The following AP1G1 variants were observed in gnomAD, a reference collection of about 807,000 sequenced individuals.
The protein encoded by AP1G1 is adaptor related protein complex 1 subunit gamma 1, also known as AP-1 complex subunit gamma-1.
AP1G1 carries 7 observed loss-of-function variants against 108.3 expected under a neutral mutation model. That is an observed-to-expected ratio of 0.06 (90% CI 0.04 to 0.12). The LOEUF (loss-of-function observed/expected upper bound fraction) is 0.12. AP1G1 is among the 10% of genes least tolerant of loss of function. The pLI is 1.00. For synonymous variants in AP1G1, 379 were observed against 353.5 expected, an observed-to-expected ratio of 1.07 and a Z score of -0.81; for missense variants, 756 against 1,010.7, an observed-to-expected ratio of 0.75 and a Z score of 3.42.
chr16:71,734,745 T>G (rs1006683127), intron 21 of AP1G1, 38 bp from the exon 22 acceptor site: 1 of 1,530,070 alleles, frequency 6.5e-7, no homozygotes. Context: ...GAAAAAGAAT[T>G]ACACAACGCT....
At chr16:71,774,743 G>A (rs187993276) in intron 2 of AP1G1, 151 bp from the exon 3 acceptor site, 34 of 878,734 alleles carry the variant, frequency 3.9e-5, no homozygotes, top group Admixed American at 1.5e-4. Flanking sequence ...TTTTTGAGAC[G>A]GGGTTTCGCT....
At chr16:71,758,625 A>G in intron 11 of AP1G1, 183 bp downstream of exon 11, 1 of 605,802 alleles carries the variant, frequency 1.7e-6, no homozygotes, top group South Asian at 1.8e-5. Context: ...TCTCCCTGCC[A>G]ATCCTTTCTA....
intron 12 of AP1G1, among the ~76,000 whole-genome samples, chr16:71,755,421 AGTGAGACCCT>A (rs1256379692): frequency 6.6e-6 from 1 of 152,098 alleles, no homozygotes; most frequent in Admixed American, 6.5e-5. Flanking sequence ...TAGGTGACAA[AGTGAGACCCT>A]GTCTCAAAAA....
chr16:71,765,606 C>A lies in AP1G1; in HGVS notation c.643-22G>T, dbSNP rs377721475. 990 of 1,559,370 alleles carry A rather than the reference C, an allele frequency of 6.3e-4. 3 individuals carry two copies. Among genetic ancestry groups the A allele is most frequent in the Non-Finnish European group, 7.7e-4 (875 of 1,131,030 alleles). Reference sequence around the variant, plus strand: ...CAAGCTGCAGAGAAGAAAGATGCATCAAAAAACAGTGAATATTGAAGAATG... The same window carrying A: ...CAAGCTGCAGAGAAGAAAGATGCATAAAAAAACAGTGAATATTGAAGAATG... On this transcript the variant is annotated intron_variant, in intron 6 of 22. Transcript: ENST00000299980.
intron 4 of AP1G1, among the ~76,000 whole-genome samples, chr16:71,772,297 T>A (rs1056413119): frequency 6.6e-6 from 1 of 151,952 alleles, no homozygotes; most frequent in Non-Finnish European, 1.5e-5. Flanking sequence ...CCGGCTAATT[T>A]TTTTTGTATT....
At chr16:71,773,400 G>C (rs2031649037) in intron 3 of AP1G1, 38 bp from the exon 4 acceptor site, 1 of 1,466,012 alleles carries the variant, frequency 6.8e-7, no homozygotes, top group African/African-American at 1.4e-5. Flanking sequence ...CAAGCCTGGT[G>C]CTCCCCAAGA....
rs1555554276 is a variant in AP1G1 at position 71,768,500 on chromosome 16, C to CCAAAAAAAAA, written c.642+1122_642+1123insTTTTTTTTTG. On this transcript the variant is annotated intron_variant, in intron 6 of 22. Coordinates refer to ENST00000299980, the MANE Select transcript of AP1G1 (RefSeq NM_001128.6). ...TGGGCGACAGAGCCAGACTCCGCCA[C>CCAAAAAAAAA]AAAAAAAAAAAAAGAGAGAAGGGAG... 1.0e-3 allele frequency among the ~76,000 whole-genome samples: 86 copies of CCAAAAAAAAA among 83,716 alleles called. 5 individuals carry two copies. In the South Asian group the frequency reaches 0.039, roughly 38 times the overall value. 54.9% of individuals were successfully genotyped at this position (83,716 alleles called of 152,430 possible).
In AP1G1 at chr16:71,762,963, C is replaced by A. The variant is rs113103487; in HGVS notation, c.918+1387G>T. ...AGCCCTCAAACTGTGGGATGTGACA[C>A]CTTATCTCCAGGGAGACAGTGTCAG... On this transcript the variant is annotated intron_variant, in intron 9 of 22. Coordinates refer to ENST00000299980, the MANE Select transcript of AP1G1 (RefSeq NM_001128.6). Among the ~76,000 whole-genome samples, 129 of 152,224 alleles carry A rather than the reference C, an allele frequency of 8.5e-4. 1 individual carries two copies. Among genetic ancestry groups the A allele is most frequent in the African/African-American group, 2.9e-3 (121 of 41,542 alleles).
intron 21 of AP1G1, among the ~76,000 whole-genome samples, chr16:71,736,112 A>AT (rs1567638603): frequency 1.3e-5 from 1 of 76,748 alleles, no homozygotes; most frequent in Non-Finnish European, 2.5e-5. Flanking sequence ...AAAAAAAAAA[A>AT]AAAAAATATA....
intron 2 of AP1G1, among the ~76,000 whole-genome samples, chr16:71,779,850 G>A (rs1430560315): frequency 6.6e-6 from 1 of 151,996 alleles, no homozygotes; most frequent in East Asian, 1.9e-4. Flanking sequence ...CATCTAAATT[G>A]CTCACACCTG....
In AP1G1 at chr16:71,732,513, G is replaced by C. The variant is rs1385041002; in HGVS notation, c.*545C>G. 1.3e-5 allele frequency: 2 copies of C among 153,070 alleles called. No homozygotes were observed. Among genetic ancestry groups the C allele is most frequent in the Non-Finnish European group, 2.9e-5 (2 of 68,674 alleles). 9.5% of individuals were successfully genotyped at this position (153,070 alleles called of 1,614,324 possible). A position where few individuals can be genotyped will look rare whatever the true frequency, so the allele number is the denominator to read the frequency against. ...AGCCTAATGCCTCTTTCAAACATTG[G>C]GGGAACCAGTAGAAAAAGGCAGGGC... On this transcript the variant is annotated 3_prime_UTR_variant, in exon 23 of 23. Coordinates refer to ENST00000299980, the MANE Select transcript of AP1G1 (RefSeq NM_001128.6).
chr16:71,758,839 A>G lies in AP1G1; in HGVS notation c.1057T>C (p.Cys353Arg). 6.2e-7 allele frequency: 1 copy of G among 1,609,312 alleles called. No individual in the cohort carries two copies. The highest frequency in any genetic ancestry group is 1.3e-5 in the African/African-American group (1 of 74,778). Residue 353 changes from cysteine to arginine, a missense_variant, in exon 11 of 23, where the codon TGT (cysteine) becomes CGT (arginine). This residue lies in a region of AP1G1 where 304 missense variants were observed against 483.6 expected (regional missense o/e 0.63). Coordinates refer to ENST00000299980, the MANE Select transcript of AP1G1 (RefSeq NM_001128.6). Reference sequence around the variant, plus strand: ...ATTGAGACATCCAAATCTTTAAGACAGTCCACAATTGTGCTTCTGTGCCTC... The same window carrying G: ...ATTGAGACATCCAAATCTTTAAGACGGTCCACAATTGTGCTTCTGTGCCTC... ...VQRHRSTIVD[C>R]LKDLDVSIKR...
chr16:71,777,066 C>T (rs1301166174), intron 2 of AP1G1, among the ~76,000 whole-genome samples: 6 of 139,522 alleles, frequency 4.3e-5, no homozygotes, highest in Non-Finnish European at 7.6e-5. Flanking sequence ...GCTGAGATCG[C>T]GCCACTGCAC....
chr16:71,802,645 G>A (rs1005690508), intron 1 of AP1G1, among the ~76,000 whole-genome samples: 7 of 151,816 alleles, frequency 4.6e-5, no homozygotes, highest in African/African-American at 1.2e-4. Context: ...CAGAAGAATC[G>A]CTTGAACCCA....
intron 1 of AP1G1, among the ~76,000 whole-genome samples, chr16:71,807,288 C>T (rs553100964): frequency 1.1e-4 from 17 of 152,252 alleles, no homozygotes; most frequent in South Asian, 1.0e-3. Context: ...AAAAATTAGC[C>T]GGGCGTGGCG....
intron 1 of AP1G1, 81 bp from the exon 2 acceptor site, chr16:71,789,563 T>C (rs944113584): frequency 4.4e-5 from 62 of 1,408,924 alleles, no homozygotes; most frequent in East Asian, 6.9e-5. Context: ...ATTTAAATTT[T>C]TGACTAGTTT....
rs1197647707 is a variant in AP1G1, at chr16:71,734,599, T to G, written c.2367+10A>C. ...TCGGCTCAGATATTGGCTACAAATG[T>G]GCTACTCACCTTCTGAGGGTTCAGA... On this transcript the variant is annotated intron_variant, in intron 22 of 22. Transcript: ENST00000299980. The G allele has an allele frequency of 6.3e-7, 1 of 1,595,046 alleles. No homozygotes were observed. Among genetic ancestry groups the G allele is most frequent in the East Asian group, 2.2e-5 (1 of 44,776 alleles).
chr16:71,802,422 C>T (rs986661722), intron 1 of AP1G1, among the ~76,000 whole-genome samples: 1 of 152,116 alleles, frequency 6.6e-6, no homozygotes, highest in African/African-American at 2.4e-5. Context: ...AAAGACACCA[C>T]AACCCAGCTA....
chr16:71,772,781 TAGA>T (rs1485959373), intron 4 of AP1G1, among the ~76,000 whole-genome samples: 3 of 152,184 alleles, frequency 2.0e-5, no homozygotes, highest in Non-Finnish European at 4.4e-5. Context: ...TAAAATCAGA[TAGA>T]AGAATAATTC....
Sources: allele counts gnomAD v4.1 joint callset (sites outside exome capture counted in the v4.1 genomes callset), GRCh38; gene constraint gnomAD v4.1.1; regional missense constraint gnomAD v4.1.1; transcripts MANE v1.5; gene names NCBI Gene and HGNC (gene_info 2026-07-23, HGNC 2026-07-21).